The following NKAIN2 variants were observed in gnomAD, a reference collection of about 807,000 sequenced individuals.
NKAIN2 encodes sodium/potassium-transporting ATPase subunit beta-1-interacting protein 2.
In NKAIN2, 14 loss-of-function variants were observed where a neutral mutation model predicts 32.6. That is an observed-to-expected ratio of 0.43 (90% confidence interval 0.28 to 0.67). NKAIN2 has a LOEUF of 0.67. NKAIN2 is among the 30% of genes least tolerant of loss of function. The pLI, the probability that NKAIN2 is intolerant of heterozygous loss-of-function variation, is 0.17. For missense variants in NKAIN2, 198 were observed against 258.3 expected (o/e 0.77, Z 1.60); for synonymous variants, 80 against 87.2 (o/e 0.92, Z 0.46).
intron 3 of NKAIN2, among the ~76,000 whole-genome samples, chr6:124,435,932 T>C (rs1294517546): frequency 6.6e-6 from 1 of 152,154 alleles, no homozygotes; most frequent in Non-Finnish European, 1.5e-5. Flanking sequence ...AGATTAAATA[T>C]AAGTAGTTTC....
intron 3 of NKAIN2, among the ~76,000 whole-genome samples, chr6:124,499,654 G>C (rs892922603): frequency 3.3e-5 from 5 of 152,096 alleles, no homozygotes; most frequent in Admixed American, 3.3e-4. Context: ...CAAGATAAAA[G>C]AGATTAGAAA....
rs567308812 is a variant in NKAIN2, at chr6:124,755,961, G to C, written c.475-35378G>C. ...TTTAAATGCACTCTGGCTAAAGACT[G>C]TGTCTTTTCTACATTTTCATGCCTA... On this transcript the variant is annotated intron_variant, in intron 4 of 6. Coordinates refer to ENST00000368417, the MANE Select transcript of NKAIN2 (RefSeq NM_001040214.3). 1.6e-3 allele frequency among the ~76,000 whole-genome samples: 245 copies of C among 151,778 alleles called. 3 individuals carry two copies. The highest frequency in any genetic ancestry group is 5.3e-3 in the African/African-American group (221 of 41,534).
At chr6:124,511,179 G>T (rs1562229801) in intron 3 of NKAIN2, among the ~76,000 whole-genome samples, 2 of 152,144 alleles carry the variant, frequency 1.3e-5, no homozygotes, top group Non-Finnish European at 2.9e-5. Flanking sequence ...TATTTCCAGA[G>T]ATTGGTTTTA....
intron 3 of NKAIN2, among the ~76,000 whole-genome samples, chr6:124,507,270 A>G (rs1778522576): frequency 1.3e-5 from 2 of 152,130 alleles, no homozygotes; most frequent in Admixed American, 1.3e-4. Context: ...AGTCTATGTG[A>G]TGTGTGAGAT....
chr6:124,555,339 G>GACTA (rs1366370260), intron 3 of NKAIN2, among the ~76,000 whole-genome samples: 1 of 151,868 alleles, frequency 6.6e-6, no homozygotes, highest in East Asian at 1.9e-4. Flanking sequence ...ACAGCCTCCT[G>GACTA]ACTGTGTCTC....
intron 1 of NKAIN2, among the ~76,000 whole-genome samples, chr6:124,149,138 CT>C (rs1787572289): frequency 6.7e-6 from 1 of 149,574 alleles, no homozygotes; most frequent in African/African-American, 2.5e-5. Flanking sequence ...CCTTTTCCCA[CT>C]TAAAAAAAAA....
At chr6:124,546,858 G>C (rs1224179476) in intron 3 of NKAIN2, among the ~76,000 whole-genome samples, 1 of 152,162 alleles carries the variant, frequency 6.6e-6, no homozygotes, top group African/African-American at 2.4e-5. Context: ...CTCAGGCAGA[G>C]AGATAAACAG....
In NKAIN2 at chr6:124,549,990, G is replaced by C. The variant is rs531861283; in HGVS notation, c.274-108196G>C. On this transcript the variant is annotated intron_variant, in intron 3 of 6. Coordinates refer to ENST00000368417, the MANE Select transcript of NKAIN2 (RefSeq NM_001040214.3). ...TTTGGAGGAGATACTTTGAGACCAC[G>C]CAAGTTTCTGCTTTCTCTTTATGCT... Among the ~76,000 whole-genome samples, 194 of 152,262 alleles carry C rather than the reference G, an allele frequency of 1.3e-3. 1 individual carries two copies. Among genetic ancestry groups the C allele is most frequent in the African/African-American group, 4.6e-3 (190 of 41,546 alleles).
At chr6:124,290,549 T>C (rs904936131) in intron 2 of NKAIN2, among the ~76,000 whole-genome samples, 6 of 140,952 alleles carry the variant, frequency 4.3e-5, no homozygotes, top group Non-Finnish European at 9.3e-5. Context: ...TGTGTGTGTG[T>C]GTGCGTCTGT....
chr6:124,242,218 CA>C (rs1244952621), intron 1 of NKAIN2, among the ~76,000 whole-genome samples: 3 of 152,060 alleles, frequency 2.0e-5, no homozygotes, highest in African/African-American at 7.2e-5. Flanking sequence ...ACAGCCCCAT[CA>C]AAAAGTGGCC....
chr6:124,452,939 G>T (rs1386729680), intron 3 of NKAIN2, among the ~76,000 whole-genome samples: 1 of 152,006 alleles, frequency 6.6e-6, no homozygotes, highest in Non-Finnish European at 1.5e-5. Context: ...GTGGTTTGGG[G>T]TTATTACCTG....
intron 1 of NKAIN2, among the ~76,000 whole-genome samples, chr6:124,154,531 T>C (rs571564753): frequency 6.6e-6 from 1 of 152,120 alleles, no homozygotes; most frequent in East Asian, 1.9e-4. Flanking sequence ...CTAAGAAAAT[T>C]ATACTGCCAC....
intron 1 of NKAIN2, among the ~76,000 whole-genome samples, chr6:124,188,151 A>G (rs1289647782): frequency 6.6e-6 from 1 of 152,198 alleles, no homozygotes; most frequent in African/African-American, 2.4e-5. Flanking sequence ...TTTTAAACCT[A>G]GTGATTCTAC....
chr6:124,375,062 T>C (rs932346061), intron 3 of NKAIN2, among the ~76,000 whole-genome samples: 2 of 152,048 alleles, frequency 1.3e-5, no homozygotes, highest in African/African-American at 4.8e-5. Flanking sequence ...TGTTATTCCA[T>C]CTGCCTAGAG....
chr6:124,369,898 T>TTTTTTTTTTTTTTTTA (rs1554196328), intron 3 of NKAIN2, among the ~76,000 whole-genome samples: 1 of 148,562 alleles, frequency 6.7e-6, no homozygotes, highest in Non-Finnish European at 1.5e-5. Flanking sequence ...TTTTTTTTTT[T>TTTTTTTTTTTTTTTTA]AACCTGTGGA....
intron 1 of NKAIN2, among the ~76,000 whole-genome samples, chr6:124,090,218 C>T (rs1272192441): frequency 6.6e-6 from 1 of 152,000 alleles, no homozygotes; most frequent in Non-Finnish European, 1.5e-5. Flanking sequence ...GAAAATGTTA[C>T]TTTTGCCTTC....
chr6:124,290,002 G>A (rs965862581), intron 2 of NKAIN2, among the ~76,000 whole-genome samples: 1 of 151,994 alleles, frequency 6.6e-6, no homozygotes, highest in African/African-American at 2.4e-5. Flanking sequence ...AATGACTTTA[G>A]AGTAGTTGTG....
intron 1 of NKAIN2, among the ~76,000 whole-genome samples, chr6:124,047,837 A>T (rs1426559236): frequency 6.6e-6 from 1 of 151,984 alleles, no homozygotes; most frequent in Non-Finnish European, 1.5e-5. Flanking sequence ...TTGCTGTATA[A>T]ATAATCAAAG....
At chr6:124,378,840 A>C (rs530300391) in intron 3 of NKAIN2, among the ~76,000 whole-genome samples, 138 of 151,584 alleles carry the variant, frequency 9.1e-4, no homozygotes, top group Non-Finnish European at 1.6e-3. Context: ...CTGTAGTCCC[A>C]GTACTTTGGG....
Sources: allele counts gnomAD v4.1 joint callset (sites outside exome capture counted in the v4.1 genomes callset), GRCh38; gene constraint gnomAD v4.1.1; transcripts MANE v1.5; gene names NCBI Gene and HGNC (gene_info 2026-07-23, HGNC 2026-07-21).